Variants in CDH20 observed in about 807,000 individuals in gnomAD.
The protein encoded by CDH20 is cadherin 20.
A neutral mutation model predicts 74.2 loss-of-function variants in CDH20; 29 were observed. That is an observed-to-expected ratio of 0.39 (90% confidence interval 0.29 to 0.53). The LOEUF is 0.53. CDH20 is among the 20% of genes least tolerant of loss of function. The pLI is 0.69. For missense variants in CDH20, 988 were observed against 1,048.3 expected (o/e 0.94, Z 0.79); for synonymous variants, 469 against 405.4 (o/e 1.16, Z -1.88).
At chr18:61,536,466 T>C (rs906479227) in intron 7 of CDH20, 27 bp from the exon 8 acceptor site, 47 of 1,609,052 alleles carry the variant, frequency 2.9e-5, no homozygotes, top group Non-Finnish European at 3.8e-5. Flanking sequence ...CAAATGCAAA[T>C]GATGTACGTA....
At chr18:61,554,127 C>G (rs1187403596) in intron 11 of CDH20, 63 bp from the exon 12 acceptor site, 2 of 1,551,450 alleles carry the variant, frequency 1.3e-6, no homozygotes, top group East Asian at 4.5e-5. Context: ...AAGACTACTT[C>G]TAGTCACCGC....
chr18:61,535,647 G>A (rs567360858), intron 7 of CDH20, among the ~76,000 whole-genome samples: 6 of 152,324 alleles, frequency 3.9e-5, no homozygotes, highest in Non-Finnish European at 8.8e-5. Flanking sequence ...TCCCCTTGGA[G>A]AGCTCTGAAA....
At chr18:61,350,599 C>A (rs962682423) in intron 1 of CDH20, among the ~76,000 whole-genome samples, 1 of 152,080 alleles carries the variant, frequency 6.6e-6, no homozygotes, top group Non-Finnish European at 1.5e-5. Context: ...GTGAACTGCC[C>A]GCTAAATAGG....
chr18:61,533,097 C>G (rs749960527), intron 7 of CDH20, among the ~76,000 whole-genome samples: 3 of 151,988 alleles, frequency 2.0e-5, no homozygotes, highest in Non-Finnish European at 4.4e-5. Context: ...TGAGGCCAGC[C>G]TGGGCAACAC....
chr18:61,358,387 T>C (rs1910571066), intron 1 of CDH20, among the ~76,000 whole-genome samples: 2 of 152,210 alleles, frequency 1.3e-5, no homozygotes, highest in Non-Finnish European at 2.9e-5. Flanking sequence ...CCCAGAGTGC[T>C]GGGATTACAG....
intron 1 of CDH20, among the ~76,000 whole-genome samples, chr18:61,472,815 G>A (rs189648889): frequency 5.9e-5 from 9 of 152,298 alleles, no homozygotes; most frequent in Admixed American, 5.9e-4. Flanking sequence ...GATAAACTTA[G>A]AAATGAGCAG....
intron 9 of CDH20, among the ~76,000 whole-genome samples, 196 bp downstream of exon 9, chr18:61,539,341 C>G (rs1912942299): frequency 6.6e-6 from 1 of 152,178 alleles, no homozygotes; most frequent in Non-Finnish European, 1.5e-5. Context: ...TGTGGTGGCT[C>G]ATGCCTGTAA....
At chr18:61,469,441 G>A (rs1215519948) in intron 1 of CDH20, among the ~76,000 whole-genome samples, 3 of 151,732 alleles carry the variant, frequency 2.0e-5, no homozygotes, top group Non-Finnish European at 4.4e-5. Context: ...AATACAGACT[G>A]GGTTGTCACA....
rs751226577 is a variant in CDH20, at chr18:61,550,033, T to C, written c.1704T>C (p.Ser568=). Residue 568 remains serine (S), a synonymous_variant, in exon 11 of 12, where the codon AGT becomes AGC. Transcript: ENST00000262717. ...CTGGTTTCCGGCAGCAGGAGCAGAG[T>C]GTCTTTCACCTGCCTATCCTGATAG... The part of the protein sequence containing the change: ...RRSGFRQQEQ[S]VFHLPILIAD... The C allele has an allele frequency of 5.6e-6, 9 of 1,613,976 alleles. No homozygotes were observed. Among genetic ancestry groups the C allele is most frequent in the African/African-American group, 1.3e-5 (1 of 74,976 alleles).
intron 1 of CDH20, among the ~76,000 whole-genome samples, chr18:61,363,897 G>T (rs1910776615): frequency 6.6e-6 from 1 of 152,088 alleles, no homozygotes; most frequent in Non-Finnish European, 1.5e-5. Flanking sequence ...TCCCCCGGGT[G>T]AATTTTTATA....
chr18:61,440,217 C>T (rs1908983315), intron 1 of CDH20, among the ~76,000 whole-genome samples: 1 of 152,054 alleles, frequency 6.6e-6, no homozygotes, highest in Non-Finnish European at 1.5e-5. Context: ...TTTCCTTTCC[C>T]AATAGGATGT....
At chr18:61,426,923 G>C (rs1913090562) in intron 1 of CDH20, among the ~76,000 whole-genome samples, 1 of 152,146 alleles carries the variant, frequency 6.6e-6, no homozygotes, top group Non-Finnish European at 1.5e-5. Flanking sequence ...TAGTCATTGG[G>C]TCTGTGGTCA....
chr18:61,473,141 G>T (rs1191247604), intron 1 of CDH20, among the ~76,000 whole-genome samples: 2 of 152,158 alleles, frequency 1.3e-5, no homozygotes, highest in African/African-American at 2.4e-5. Flanking sequence ...ATGTAATATG[G>T]CATCAGCCAG....
chr18:61,504,220 C>T (rs1911482313), intron 5 of CDH20, among the ~76,000 whole-genome samples: 1 of 152,102 alleles, frequency 6.6e-6, no homozygotes, highest in South Asian at 2.1e-4. Flanking sequence ...TTGGCAAGGG[C>T]AGAGACTAGG....
At chr18:61,525,482 A>C (rs557786467) in intron 6 of CDH20, among the ~76,000 whole-genome samples, 2 of 152,288 alleles carry the variant, frequency 1.3e-5, no homozygotes, top group African/African-American at 2.4e-5. Flanking sequence ...AATTGGTAAA[A>C]TAGTCCTTCA....
At position 61,546,325 on chromosome 18, in the gene CDH20, A is replaced by C. The variant is rs559427009; in HGVS notation, c.1648+1181A>C. Among the ~76,000 whole-genome samples, 7 of 152,358 alleles carry C rather than the reference A, an allele frequency of 4.6e-5. 1 individual carries two copies. The South Asian group carries it at 1.4e-3, about 32-fold the overall frequency. On this transcript the variant is annotated intron_variant, in intron 10 of 11. Transcript: ENST00000262717. ...TGACAGTTTTCTGCTGTAAAACTTG[A>C]GATTCTCAAACCTGTTTTCTTCTAA...
chr18:61,493,497 C>A (rs962271004), intron 2 of CDH20, among the ~76,000 whole-genome samples: 1 of 152,148 alleles, frequency 6.6e-6, no homozygotes, highest in Admixed American at 6.5e-5. Context: ...CCTCACTCAG[C>A]CCTCGTGCAC....
At chr18:61,359,808 C>CATG (rs1237098975) in intron 1 of CDH20, among the ~76,000 whole-genome samples, 1 of 152,150 alleles carries the variant, frequency 6.6e-6, no homozygotes, top group African/African-American at 2.4e-5. Context: ...GATCATGAGT[C>CATG]ATCCATAATT....
intron 1 of CDH20, among the ~76,000 whole-genome samples, chr18:61,335,212 A>G (rs896229503): frequency 4.6e-5 from 7 of 152,120 alleles, no homozygotes; most frequent in African/African-American, 1.7e-4. Flanking sequence ...TTATTTATAT[A>G]ACCTGGGAAA....
Sources: allele counts gnomAD v4.1 joint callset (sites outside exome capture counted in the v4.1 genomes callset), GRCh38; gene constraint gnomAD v4.1.1; transcripts MANE v1.5; gene names NCBI Gene and HGNC (gene_info 2026-07-23, HGNC 2026-07-21).